TP53BP1: variants seen among roughly 807,000 people sequenced by gnomAD.
The protein encoded by TP53BP1 is tumor protein p53 binding protein 1, also known as TP53-binding protein 1.
TP53BP1 carries 61 observed loss-of-function variants against 200.8 expected under a neutral mutation model. That is an observed-to-expected ratio of 0.30 (90% CI 0.25 to 0.38). The LOEUF (loss-of-function observed/expected upper bound fraction) is 0.38, where lower values mean the gene tolerates loss of function less well. Among genes scored for constraint, TP53BP1 ranks in the 10% least tolerant of loss-of-function variants. The pLI is 1.00. For missense variants in TP53BP1, 2,144 were observed against 2,371.9 expected, an observed-to-expected ratio of 0.90 and a Z score of 2.00; for synonymous variants, 822 against 844.3, an observed-to-expected ratio of 0.97 and a Z score of 0.46.
chr15:43,473,978 G>C (rs1207876486), intron 10 of TP53BP1, among the ~76,000 whole-genome samples: 1 of 152,240 alleles, frequency 6.6e-6, no homozygotes, highest in Non-Finnish European at 1.5e-5. Context: ...GGGGGTGGAA[G>C]GCTCAGGCAT....
At chr15:43,461,513 C>T (rs548316937) in intron 11 of TP53BP1, among the ~76,000 whole-genome samples, 106 of 151,922 alleles carry the variant, frequency 7.0e-4, no homozygotes, top group Admixed American at 1.3e-3. Context: ...CTACCTCGTC[C>T]GGCCAAGATA....
At chr15:43,462,873 A>G (rs2046474520) in intron 11 of TP53BP1, among the ~76,000 whole-genome samples, 2 of 152,162 alleles carry the variant, frequency 1.3e-5, no homozygotes, top group African/African-American at 2.4e-5. Context: ...CCTGGCCAAC[A>G]TGGTGAAACC....
At chr15:43,440,282 C>A (rs571862521) in intron 15 of TP53BP1, among the ~76,000 whole-genome samples, 1 of 151,948 alleles carries the variant, frequency 6.6e-6, no homozygotes, top group Non-Finnish European at 1.5e-5. Flanking sequence ...CTCTGTCTTG[C>A]GGGCGGATCA....
intron 4 of TP53BP1, among the ~76,000 whole-genome samples, chr15:43,489,397 A>C (rs1327798507): frequency 6.6e-6 from 1 of 152,254 alleles, no homozygotes; most frequent in African/African-American, 2.4e-5. Context: ...CAGGATGCTG[A>C]GCCACAAAAA....
At chr15:43,429,295 G>C (rs562933301) in intron 17 of TP53BP1, among the ~76,000 whole-genome samples, 2 of 152,100 alleles carry the variant, frequency 1.3e-5, no homozygotes, top group African/African-American at 4.8e-5. Context: ...CTAAAAAAAA[G>C]TGCTAGAATT....
At chr15:43,434,360 A>G (rs1350220896) in intron 16 of TP53BP1, among the ~76,000 whole-genome samples, 1 of 152,240 alleles carries the variant, frequency 6.6e-6, no homozygotes, top group Non-Finnish European at 1.5e-5. Context: ...TAAGACATCT[A>G]ACATACCAAT....
chr15:43,426,476 T>TA (rs1357892012), intron 18 of TP53BP1, among the ~76,000 whole-genome samples: 1 of 146,262 alleles, frequency 6.8e-6, no homozygotes, highest in Non-Finnish European at 1.5e-5. Context: ...AAAAAACAAT[T>TA]ACTCAATGAG....
At chr15:43,467,851 T>A (rs1239027232) in intron 11 of TP53BP1, among the ~76,000 whole-genome samples, 1 of 151,780 alleles carries the variant, frequency 6.6e-6, no homozygotes, top group Non-Finnish European at 1.5e-5. Context: ...TGGCGCGATC[T>A]CAGCTCACTG....
intron 4 of TP53BP1, among the ~76,000 whole-genome samples, chr15:43,490,501 G>A (rs2079106813): frequency 6.6e-6 from 1 of 152,046 alleles, no homozygotes; most frequent in Non-Finnish European, 1.5e-5. Context: ...TGGGATTACA[G>A]GTGTGAGCCA....
chr15:43,408,080 C>T lies in TP53BP1; in HGVS notation c.5609G>A (p.Arg1870His), dbSNP rs1353202985. Reference protein sequence around the residue: ...EEQRILDWQPRENPFQNLKVL... With the variant: ...EEQRILDWQPHENPFQNLKVL... ...CTTCAGATTCTGGAAAGGATTTTCA[C>T]GGGGTTGCCTATGAAGGAGACAGGA... The change falls in exon 27 of 28, where the codon CGT (arginine) becomes CAT (histidine). Residue 1870 changes from arginine (R) to histidine (H), a missense_variant. Physicochemically the swap from Arg to His is conservative, Grantham distance 29. This residue lies in a region of TP53BP1 where 334 missense variants were observed against 453.4 expected (regional missense o/e 0.74). Coordinates refer to ENST00000382044, the MANE Select transcript of TP53BP1 (RefSeq NM_001141980.3). 9 of 1,613,622 alleles carry T rather than the reference C, an allele frequency of 5.6e-6. No individual in the cohort carries two copies. Among genetic ancestry groups the T allele is most frequent in the East Asian group, 2.2e-5 (1 of 44,894 alleles).
At chr15:43,507,071 T>C (rs2079241241) in intron 1 of TP53BP1, among the ~76,000 whole-genome samples, 1 of 152,210 alleles carries the variant, frequency 6.6e-6, no homozygotes, top group South Asian at 2.1e-4. Context: ...CTCTGTGGAA[T>C]GTACTTTCAC....
intron 11 of TP53BP1, among the ~76,000 whole-genome samples, chr15:43,457,420 A>T (rs1566946284): frequency 6.6e-6 from 1 of 152,166 alleles, no homozygotes; most frequent in Non-Finnish European, 1.5e-5. Context: ...AGCCCATTTC[A>T]GTTCTCACAA....
intron 27 of TP53BP1, 125 bp downstream of exon 27, chr15:43,407,818 T>G: frequency 9.5e-7 from 1 of 1,056,754 alleles, no homozygotes; most frequent in Non-Finnish European, 1.4e-6. Flanking sequence ...AGGTGGTACT[T>G]TTCTTCTCTA....
chr15:43,508,745 G>A (rs377605185), intron 1 of TP53BP1, among the ~76,000 whole-genome samples: 2 of 152,190 alleles, frequency 1.3e-5, no homozygotes, highest in South Asian at 2.1e-4. Context: ...GACACCTATA[G>A]CCAATCTTTC....
At chr15:43,435,267 C>CAA (rs377275791) in intron 16 of TP53BP1, among the ~76,000 whole-genome samples, 3,065 of 55,018 alleles carry the variant, frequency 0.056, 240 homozygotes, top group Middle Eastern at 0.064. Flanking sequence ...GACCCCATCT[C>CAA]AAAAAAAAAA....
intron 23 of TP53BP1, among the ~76,000 whole-genome samples, 186 bp from the exon 24 acceptor site, chr15:43,413,520 A>G (rs2045184121): frequency 6.6e-6 from 1 of 152,234 alleles, no homozygotes; most frequent in Non-Finnish European, 1.5e-5. Flanking sequence ...ACAGCCTAGG[A>G]TAAAATTTAC....
At position 43,456,276 on chromosome 15, in the gene TP53BP1, C is replaced by T; in HGVS notation, c.2332G>A (p.Glu778Lys). Residue 778 changes from glutamate (E) to lysine (K), a missense_variant, in exon 12 of 28, where the codon GAA becomes AAA. Physicochemically the swap from Glu to Lys is moderately conservative, Grantham distance 56. This residue lies in a region of TP53BP1 where 1,700 missense variants were observed against 1,710.3 expected (regional missense o/e 0.99). Coordinates refer to ENST00000382044, the MANE Select transcript of TP53BP1 (RefSeq NM_001141980.3). Reference sequence around the variant, plus strand: ...CACTTCTCCACTCCCTCCAAAGGTTCACAAGAAACATCAACTCTGGGAGAT... The same window carrying T: ...CACTTCTCCACTCCCTCCAAAGGTTTACAAGAAACATCAACTCTGGGAGAT... ...EPSPRVDVSC[E>K]PLEGVEKCSD... The T allele has an allele frequency of 1.2e-6, 2 of 1,614,150 alleles. No individual in the cohort carries two copies. Among genetic ancestry groups the T allele is most frequent in the Non-Finnish European group, 1.7e-6 (2 of 1,180,040 alleles).
intron 12 of TP53BP1, among the ~76,000 whole-genome samples, chr15:43,453,258 T>G (rs906731186): frequency 1.4e-5 from 2 of 147,662 alleles, no homozygotes; most frequent in African/African-American, 5.1e-5. Flanking sequence ...CAAAGAGACC[T>G]GATATTTTGT....
chr15:43,505,464 G>C (rs969425605), intron 1 of TP53BP1, among the ~76,000 whole-genome samples: 13 of 152,176 alleles, frequency 8.5e-5, no homozygotes, highest in Non-Finnish European at 1.6e-4. Context: ...TAATGAAATG[G>C]ATAAGGGAAG....
Sources: gnomAD v4.1 joint callset for allele counts (sites outside exome capture counted in the v4.1 genomes callset) on GRCh38, gnomAD v4.1.1 for gene constraint, gnomAD v4.1.1 regional missense constraint, MANE v1.5 for transcripts, NCBI Gene and HGNC (gene_info 2026-07-23, HGNC 2026-07-21) for gene names.